GRIK2: variants seen among roughly 807,000 people sequenced by gnomAD.
The protein encoded by GRIK2 is glutamate ionotropic receptor kainate type subunit 2, also known as glutamate receptor ionotropic, kainate 2.
A neutral mutation model predicts 100.3 loss-of-function variants in GRIK2; 32 were observed. The ratio of observed to expected loss-of-function variants is 0.32; its 90% CI spans 0.24 to 0.43. The LOEUF (loss-of-function observed/expected upper bound fraction) is 0.43. Among genes scored for constraint, GRIK2 ranks in the 20% least tolerant of loss-of-function variants. GRIK2 has a pLI of 1.00. For synonymous variants in GRIK2, 417 were observed against 389.4 expected (o/e 1.07, Z -0.83); for missense variants, 843 against 1,114.9 (o/e 0.76, Z 3.47).
chr6:101,462,458 G>A (rs181832734), intron 2 of GRIK2, among the ~76,000 whole-genome samples: 1 of 149,856 alleles, frequency 6.7e-6, no homozygotes, highest in Non-Finnish European at 1.5e-5. Context: ...AGCAAAAATA[G>A]AGTCAAGATA....
intron 14 of GRIK2, among the ~76,000 whole-genome samples, chr6:102,006,386 A>ATT (rs201845048): frequency 2.9e-3 from 321 of 111,166 alleles, no homozygotes; most frequent in South Asian, 6.6e-3. Context: ...ATATATATAT[A>ATT]TATATTTTTT....
At chr6:101,737,234 G>C (rs1036090917) in intron 7 of GRIK2, among the ~76,000 whole-genome samples, 4 of 152,028 alleles carry the variant, frequency 2.6e-5, no homozygotes, top group African/African-American at 9.7e-5. Flanking sequence ...CTGTTACCAA[G>C]TTCCAAAGTT....
intron 12 of GRIK2, among the ~76,000 whole-genome samples, chr6:101,898,072 A>G (rs893360258): frequency 4.0e-5 from 6 of 151,890 alleles, no homozygotes; most frequent in African/African-American, 1.4e-4. Flanking sequence ...CTATAAAGAG[A>G]TTCATTTATT....
At chr6:101,426,146 T>C (rs183231153) in intron 2 of GRIK2, among the ~76,000 whole-genome samples, 1 of 152,330 alleles carries the variant, frequency 6.6e-6, no homozygotes, top group African/African-American at 2.4e-5. Flanking sequence ...ACTTTGTGTA[T>C]TGAGACACAG....
chr6:101,708,206 C>A (rs1180399195), intron 7 of GRIK2, among the ~76,000 whole-genome samples: 1 of 151,638 alleles, frequency 6.6e-6, no homozygotes, highest in Non-Finnish European at 1.5e-5. Context: ...CCTTAATAGA[C>A]TACACCATAA....
At chr6:101,866,661 A>G (rs1195521363) in intron 11 of GRIK2, among the ~76,000 whole-genome samples, 1 of 152,168 alleles carries the variant, frequency 6.6e-6, no homozygotes, top group Non-Finnish European at 1.5e-5. Context: ...ATTAGAGTAC[A>G]TTAGACTATT....
At chr6:101,549,277 A>AAG (rs1329375426) in intron 2 of GRIK2, among the ~76,000 whole-genome samples, 1 of 150,100 alleles carries the variant, frequency 6.7e-6, no homozygotes, top group Non-Finnish European at 1.5e-5. Flanking sequence ...GATGAACTGA[A>AAG]AAAAAAAAAA....
At chr6:101,500,808 G>A (rs1773709549) in intron 2 of GRIK2, among the ~76,000 whole-genome samples, 1 of 151,950 alleles carries the variant, frequency 6.6e-6, no homozygotes. Flanking sequence ...TCAGCTCTAT[G>A]ACCTGATCAG....
At chr6:101,502,568 A>G in intron 2 of GRIK2, among the ~76,000 whole-genome samples, 1 of 152,186 alleles carries the variant, frequency 6.6e-6, no homozygotes, top group East Asian at 1.9e-4. Context: ...TATATATGTA[A>G]TTGCATTATA....
At chr6:101,992,439 A>T (rs1211824935) in intron 14 of GRIK2, among the ~76,000 whole-genome samples, 1 of 151,674 alleles carries the variant, frequency 6.6e-6, no homozygotes, top group Non-Finnish European at 1.5e-5. Flanking sequence ...CATACATATC[A>T]AAAGGGACTC....
intron 4 of GRIK2, among the ~76,000 whole-genome samples, chr6:101,667,095 C>G (rs1770086887): frequency 6.6e-6 from 1 of 152,122 alleles, no homozygotes; most frequent in Admixed American, 6.6e-5. Context: ...AATCTGCCTG[C>G]CACGGGCTGC....
chr6:101,400,492 C>T (rs1267243433), intron 2 of GRIK2, among the ~76,000 whole-genome samples: 1 of 152,184 alleles, frequency 6.6e-6, no homozygotes, highest in Non-Finnish European at 1.5e-5. Flanking sequence ...TAGGCACTTC[C>T]TCTGACAGTT....
At chr6:101,518,772 A>G (rs183829832) in intron 2 of GRIK2, among the ~76,000 whole-genome samples, 3 of 152,240 alleles carry the variant, frequency 2.0e-5, no homozygotes, top group East Asian at 3.9e-4. Context: ...TTGACTAAGC[A>G]ATTTTCCAAG....
intron 2 of GRIK2, among the ~76,000 whole-genome samples, chr6:101,413,985 T>C (rs1208206027): frequency 3.9e-5 from 6 of 152,204 alleles, no homozygotes; most frequent in Admixed American, 3.3e-4. Flanking sequence ...TGCTTACCCA[T>C]GTGCCAGACA....
At chr6:101,766,658 G>A (rs1245496000) in intron 7 of GRIK2, among the ~76,000 whole-genome samples, 1 of 152,122 alleles carries the variant, frequency 6.6e-6, no homozygotes, top group Non-Finnish European at 1.5e-5. Flanking sequence ...GTCCTCTGAA[G>A]TTGAGCTTCC....
chr6:101,942,252 G>A (rs1218880594), intron 14 of GRIK2, among the ~76,000 whole-genome samples: 1 of 152,044 alleles, frequency 6.6e-6, no homozygotes, highest in Non-Finnish European at 1.5e-5. Context: ...GAATCATGGG[G>A]GCATTTTCTA....
intron 14 of GRIK2, among the ~76,000 whole-genome samples, chr6:101,974,925 G>A (rs1412235846): frequency 2.6e-5 from 4 of 151,788 alleles, no homozygotes; most frequent in African/African-American, 9.7e-5. Flanking sequence ...ACTGAGACTT[G>A]AAATAAAAAT....
intron 7 of GRIK2, among the ~76,000 whole-genome samples, chr6:101,723,163 G>T (rs1289074655): frequency 6.6e-6 from 1 of 152,034 alleles, no homozygotes; most frequent in Non-Finnish European, 1.5e-5. Flanking sequence ...AAATGCAAAG[G>T]ATAACAAGTA....
intron 2 of GRIK2, among the ~76,000 whole-genome samples, chr6:101,461,071 C>A (rs945874160): frequency 6.6e-6 from 1 of 152,094 alleles, no homozygotes; most frequent in Non-Finnish European, 1.5e-5. Context: ...TTTTAATATT[C>A]TTTAATTAAA....
Sources: gnomAD v4.1 joint callset for allele counts (sites outside exome capture counted in the v4.1 genomes callset) on GRCh38, gnomAD v4.1.1 for gene constraint, MANE v1.5 for transcripts, NCBI Gene and HGNC (gene_info 2026-07-23, HGNC 2026-07-21) for gene names.